The following POLR1B variants were observed in gnomAD, a reference collection of about 807,000 sequenced individuals.
The protein encoded by POLR1B is RNA polymerase I subunit B.
A neutral mutation model predicts 105.8 loss-of-function variants in POLR1B; 30 were observed. The observed-to-expected ratio is 0.28, with a 90% confidence interval of 0.21 to 0.38. POLR1B has a LOEUF of 0.38. Among genes scored for constraint, POLR1B ranks in the 10% least tolerant of loss-of-function variants. The pLI is 1.00. For synonymous variants in POLR1B, 485 were observed against 505.1 expected, an observed-to-expected ratio of 0.96 and a Z score of 0.53; for missense variants, 976 against 1,435.8, an observed-to-expected ratio of 0.68 and a Z score of 5.17.
rs1325940565 is a variant in POLR1B at position 112,568,062 on chromosome 2, C to A, written c.1842C>A (p.Thr614=). ...TGTACCCAGGATTGTTCCTTTTTAC[C>A]ACTCCTTGTAGACTGGTACGGCCTG... The part of the protein sequence containing the change: ...PSLYPGLFLF[T]TPCRLVRPVQ... Residue 614 remains threonine, a synonymous_variant, in exon 11 of 15, where the codon ACC becomes ACA. Transcript: ENST00000263331. The A allele has an allele frequency of 6.2e-7, 1 of 1,614,064 alleles. No homozygotes were observed. Among genetic ancestry groups the A allele is most frequent in the South Asian group, 1.1e-5 (1 of 91,072 alleles).
Position 112,578,335 on chromosome 2 carries a change from C to T in POLR1B, c.*2606C>T, listed in dbSNP as rs903922807. On this transcript the variant is annotated 3_prime_UTR_variant, in exon 15 of 15. Transcript: ENST00000263331. Reference sequence around the variant, plus strand: ...TATCCTTTTATAGCCATCTCTACCTCTGTCCCCCATTTCTAACCCCTGGAA... The same window carrying T: ...TATCCTTTTATAGCCATCTCTACCTTTGTCCCCCATTTCTAACCCCTGGAA... Among the ~76,000 whole-genome samples the T allele has an allele frequency of 1.3e-5, 2 of 152,164 alleles. No individual in the cohort carries two copies. Among genetic ancestry groups the T allele is most frequent in the Admixed American group, 1.3e-4 (2 of 15,280 alleles).
In POLR1B at chr2:112,568,750, T is replaced by C; in HGVS notation, c.1922T>C (p.Phe641Ser). The change falls in exon 12 of 15, where the codon TTC (phenylalanine) becomes TCC (serine). Residue 641 changes from phenylalanine (F) to serine (S), a missense_variant. Transcript: ENST00000263331. ...EELIGTMEQI[F>S]MNVAIFEDEV... ...CTTGGACATCTGCTCTTCCAGATCT[T>C]CATGAATGTCGCTATCTTTGAGGAT... The C allele has an allele frequency of 6.2e-7, 1 of 1,613,988 alleles. No individual in the cohort carries two copies.
At chr2:112,558,164 A>G in intron 8 of POLR1B, 83 bp downstream of exon 8, 1 of 1,105,972 alleles carries the variant, frequency 9.0e-7, no homozygotes, top group Non-Finnish European at 1.2e-6. Context: ...AGTTCTTTTT[A>G]AAAGCAAACC....
At chr2:112,543,961 A>G (rs1682903208) in intron 1 of POLR1B, among the ~76,000 whole-genome samples, 1 of 151,426 alleles carries the variant, frequency 6.6e-6, no homozygotes, top group Non-Finnish European at 1.5e-5. Context: ...TGCGCACCCA[A>G]GTAGCTGGTC....
chr2:112,556,628 A>G (rs1683676122), intron 7 of POLR1B, among the ~76,000 whole-genome samples: 1 of 152,170 alleles, frequency 6.6e-6, no homozygotes, highest in African/African-American at 2.4e-5. Flanking sequence ...TCAATAGTCA[A>G]TGGCTAATGT....
At chr2:112,545,359 T>A (rs1328964743) in intron 1 of POLR1B, among the ~76,000 whole-genome samples, 2 of 152,164 alleles carry the variant, frequency 1.3e-5, no homozygotes, top group Non-Finnish European at 2.9e-5. Flanking sequence ...CAGGCATGAG[T>A]TACGGACTCA....
At chr2:112,562,938 A>G (rs2104552259) in intron 9 of POLR1B, among the ~76,000 whole-genome samples, 1 of 151,550 alleles carries the variant, frequency 6.6e-6, no homozygotes, top group Non-Finnish European at 1.5e-5. Context: ...CATGTTGGTC[A>G]GGTTGGTGTC....
At chr2:112,557,794 C>T (rs779513935) in intron 7 of POLR1B, 116 bp from the exon 8 acceptor site, 7 of 540,338 alleles carry the variant, frequency 1.3e-5, no homozygotes, top group Non-Finnish European at 2.0e-5. Context: ...CCATTTTGCC[C>T]AGTCTCATGT....
chr2:112,554,112 G>A (rs1381914062), intron 7 of POLR1B, among the ~76,000 whole-genome samples: 1 of 151,814 alleles, frequency 6.6e-6, no homozygotes, highest in Non-Finnish European at 1.5e-5. Flanking sequence ...ACAGGTGTGA[G>A]CCACTGTGCC....
rs1683233956 is a variant in POLR1B, at chr2:112,549,254, A to G, written c.493-13A>G. The G allele has an allele frequency of 6.2e-7, 1 of 1,612,222 alleles. No homozygotes were observed. Among genetic ancestry groups the G allele is most frequent in the Non-Finnish European group, 8.5e-7 (1 of 1,179,194 alleles). ...ATCTTTGTTTAACAAGTTGCAATTCATCTTTTTGGCAGGAAATGGGGGGCT... is the reference window on the plus strand; with the variant it reads ...ATCTTTGTTTAACAAGTTGCAATTCGTCTTTTTGGCAGGAAATGGGGGGCT... On this transcript the variant is annotated splice_polypyrimidine_tract_variant and intron_variant, in intron 3 of 14. Transcript: ENST00000263331.
chr2:112,563,044 CTTTCTTTTTTTTT>C (rs1039349287), intron 9 of POLR1B, among the ~76,000 whole-genome samples: 44 of 140,646 alleles, frequency 3.1e-4, no homozygotes, highest in South Asian at 1.4e-3. Flanking sequence ...GTGACAATTT[CTTTCTTTTTTTTT>C]TTTCTTTTTT....
chr2:112,551,088 A>G, intron 5 of POLR1B, 86 bp downstream of exon 5: 1 of 1,321,078 alleles, frequency 7.6e-7, no homozygotes. Context: ...TCTCCTTGTT[A>G]AAATAATACT....
At chr2:112,574,753 A>C (rs1307338593) in intron 14 of POLR1B, 94 bp from the exon 15 acceptor site, 19 of 1,178,906 alleles carry the variant, frequency 1.6e-5, no homozygotes, top group Non-Finnish European at 2.2e-5. Flanking sequence ...AAAGTTTTAC[A>C]AATATCCTTT....
Position 112,568,059 on chromosome 2 carries a change from T to G in POLR1B, c.1839T>G (p.Phe613Leu). The change falls in exon 11 of 15, where the codon TTT (phenylalanine) becomes TTG (leucine). Residue 613 changes from phenylalanine (F) to leucine (L), a missense_variant. Coordinates refer to ENST00000263331, the MANE Select transcript of POLR1B (RefSeq NM_019014.6). ...GTCTGTACCCAGGATTGTTCCTTTT[T>G]ACCACTCCTTGTAGACTGGTACGGC... ...KPSLYPGLFL[F>L]TTPCRLVRPV... 6.2e-7 allele frequency: 1 copy of G among 1,614,148 alleles called. No homozygotes were observed. Among genetic ancestry groups the G allele is most frequent in the Non-Finnish European group, 8.5e-7 (1 of 1,179,954 alleles).
intron 13 of POLR1B, among the ~76,000 whole-genome samples, 180 bp from the exon 14 acceptor site, chr2:112,573,382 C>T (rs993332013): frequency 1.4e-4 from 21 of 152,188 alleles, no homozygotes; most frequent in African/African-American, 4.3e-4. Context: ...GAATTACAGG[C>T]GTGAGCCACC....
Position 112,575,777 on chromosome 2 carries a change from A to G in POLR1B, c.*48A>G. 1.3e-6 allele frequency: 2 copies of G among 1,533,250 alleles called. No individual in the cohort carries two copies. The highest frequency in any genetic ancestry group is 1.8e-6 in the Non-Finnish European group (2 of 1,135,868). 95.0% of individuals were successfully genotyped at this position (1,533,250 alleles called of 1,614,324 possible). ...AAGAGGACTATCAGATTAAAGCAAA[A>G]TGTAATTTTAATTCAATGAAGATAT... On this transcript the variant is annotated 3_prime_UTR_variant, in exon 15 of 15. Coordinates refer to ENST00000263331, the MANE Select transcript of POLR1B (RefSeq NM_019014.6). This position sits in a 1 kb window ranked among gnomAD's most constrained non-coding sequence, Gnocchi z 5.3.
chr2:112,572,596 T>G lies in POLR1B; in HGVS notation c.2109T>G (p.Tyr703Ter). Residue 703 changes from tyrosine (Y) to a stop codon, truncating the protein, a stop_gained, in exon 13 of 15, where the codon TAT becomes TAG. Coordinates refer to ENST00000263331, the MANE Select transcript of POLR1B (RefSeq NM_019014.6). LOFTEE classifies it high-confidence loss of function. ...CTATGGGCTTTCCACTTCTCACTTA[T>G]CAAGACCGATCGGATAACAAACTGT... ...KQTMGFPLLT[Y>*]QDRSDNKLYR... 1 of 1,607,460 alleles carries G rather than the reference T, an allele frequency of 6.2e-7. No homozygotes were observed. The highest frequency in any genetic ancestry group is 8.5e-7 in the Non-Finnish European group (1 of 1,177,108).
chr2:112,559,562 C>T lies in POLR1B; in HGVS notation c.1600C>T (p.Leu534=), dbSNP rs527557887. ...FVYTASIPAL[L]CNLGVTPIDG... is the part of the protein sequence containing the mutation. ...GTATACGGCATCTATTCCAGCTTTA[C>T]TGTGCAACTTGGGTATGTAGTGTAC... The change falls in exon 9 of 15, where the codon CTG becomes TTG. Residue 534 remains leucine, a synonymous_variant. Transcript: ENST00000263331. 3.2e-5 allele frequency: 51 copies of T among 1,614,074 alleles called. No homozygotes were observed. In the Middle Eastern group the frequency reaches 4.9e-4, roughly 16 times the overall value.
In POLR1B at chr2:112,573,807, G is replaced by A. The variant is rs900284123; in HGVS notation, c.2517G>A (p.Met839Ile). The change falls in exon 14 of 15, where the codon ATG becomes ATA. Residue 839 changes from methionine to isoleucine, a missense_variant. Around this residue, in one of 12 missense-constraint regions of POLR1B, gnomAD observed 119 missense variants for 149.7 expected, o/e 0.79. Transcript: ENST00000263331. Reference protein sequence around the residue: ...LNLNTGESFVMYYKSKENCVV... With the variant: ...LNLNTGESFVIYYKSKENCVV... The stretch of plus-strand genomic sequence containing the variant: ...TCAACACCGGGGAAAGTTTTGTGAT[G>A]TACTATAAGTAAGTTTGGGTATCCA... 2 of 1,609,418 alleles carry A rather than the reference G, an allele frequency of 1.2e-6. No individual in the cohort carries two copies. The highest frequency in any genetic ancestry group is 1.3e-5 in the African/African-American group (1 of 74,814).
Sources: allele counts gnomAD v4.1 joint callset (sites outside exome capture counted in the v4.1 genomes callset), GRCh38; gene constraint gnomAD v4.1.1; regional missense constraint gnomAD v4.1.1; non-coding constraint Gnocchi (gnomAD v3.1); transcripts MANE v1.5; gene names NCBI Gene and HGNC (gene_info 2026-07-23, HGNC 2026-07-21).